TNIK: variants seen among roughly 807,000 people sequenced by gnomAD.
TNIK encodes TRAF2 and NCK interacting kinase, also known as TRAF2 and NCK-interacting protein kinase.
In TNIK, 49 loss-of-function variants were observed where a neutral mutation model predicts 191.3. That is an observed-to-expected ratio of 0.26 (90% CI 0.20 to 0.32). TNIK has a LOEUF of 0.32. Among genes scored for constraint, TNIK ranks in the 10% least tolerant of loss-of-function variants. The pLI, the probability that TNIK is intolerant of heterozygous loss-of-function variation, is 1.00. For missense variants in TNIK, 1,155 were observed against 1,702.3 expected (o/e 0.68, Z 5.66); for synonymous variants, 594 against 600.9 (o/e 0.99, Z 0.17).
chr3:171,316,624 C>G (rs1754624379), intron 2 of TNIK, among the ~76,000 whole-genome samples: 1 of 152,032 alleles, frequency 6.6e-6, no homozygotes, highest in South Asian at 2.1e-4. Flanking sequence ...AGAAAGGCAG[C>G]TCACAGAGGC....
chr3:171,401,019 C>T (rs1720885092), intron 1 of TNIK, among the ~76,000 whole-genome samples: 1 of 152,034 alleles, frequency 6.6e-6, no homozygotes, highest in African/African-American at 2.4e-5. Flanking sequence ...GAGACAAACA[C>T]ATATCTAGTT....
At position 171,228,194 on chromosome 3, in the gene TNIK, C is replaced by A. The variant is rs1382757168; in HGVS notation, c.151G>T (p.Ala51Ser). The change falls in exon 3 of 33, where the codon GCA becomes TCA. Residue 51 changes from alanine (A) to serine (S), a missense_variant. Physicochemically the swap from Ala to Ser is moderately conservative, Grantham distance 99. Transcript: ENST00000436636. ...GTGACATCCATAACCTTGATGGCTGCAAGCTGGCCCGTTTTGACATGACGA... is the reference window on the plus strand; with the variant it reads ...GTGACATCCATAACCTTGATGGCTGAAAGCTGGCCCGTTTTGACATGACGA... ...KGRHVKTGQL[A>S]AIKVMDVTGD... The A allele has an allele frequency of 6.2e-7, 1 of 1,613,568 alleles. No homozygotes were observed. The highest frequency in any genetic ancestry group is 1.1e-5 in the South Asian group (1 of 91,066).
At chr3:171,108,559 C>A (rs902992531) in intron 19 of TNIK, among the ~76,000 whole-genome samples, 1 of 152,170 alleles carries the variant, frequency 6.6e-6, no homozygotes, top group African/African-American at 2.4e-5. Context: ...CCGGAGGTCA[C>A]ACTGAAATTA....
intron 31 of TNIK, 109 bp downstream of exon 31, chr3:171,066,467 A>AT (rs145832204): frequency 0.12 from 151,931 of 1,282,686 alleles, 109 homozygotes; most frequent in Non-Finnish European, 0.13. Flanking sequence ...TTATTCACAG[A>AT]TTTTTTTTTT....
intron 2 of TNIK, among the ~76,000 whole-genome samples, chr3:171,288,002 G>T (rs1166500986): frequency 6.6e-6 from 1 of 150,736 alleles, no homozygotes; most frequent in African/African-American, 2.5e-5. Context: ...AAAATGATGA[G>T]TTCATGTCCT....
chr3:171,408,903 C>G (rs1722049816), intron 1 of TNIK, among the ~76,000 whole-genome samples: 1 of 152,250 alleles, frequency 6.6e-6, no homozygotes, highest in South Asian at 2.1e-4. Flanking sequence ...CCAATCGGTA[C>G]ACCTCACTCG....
intron 2 of TNIK, among the ~76,000 whole-genome samples, chr3:171,355,716 G>A (rs1248435715): frequency 6.6e-6 from 1 of 152,166 alleles, no homozygotes; most frequent in African/African-American, 2.4e-5. Flanking sequence ...AAGGAAAAAA[G>A]TGAATAATGT....
At chr3:171,348,433 G>A (rs1712610104) in intron 2 of TNIK, among the ~76,000 whole-genome samples, 1 of 152,054 alleles carries the variant, frequency 6.6e-6, no homozygotes, top group Non-Finnish European at 1.5e-5. Flanking sequence ...GAAGCCTTTA[G>A]ATCTCTTGAA....
At chr3:171,083,896 C>T (rs1409283089) in intron 26 of TNIK, among the ~76,000 whole-genome samples, 1 of 152,110 alleles carries the variant, frequency 6.6e-6, no homozygotes, top group African/African-American at 2.4e-5. Context: ...CTCTTGTTGG[C>T]TTTAGCCTAT....
intron 2 of TNIK, among the ~76,000 whole-genome samples, chr3:171,250,055 A>G (rs1039060661): frequency 3.3e-5 from 5 of 152,250 alleles, no homozygotes; most frequent in Non-Finnish European, 5.9e-5. Context: ...CCAAGCTCTT[A>G]GCGATGCCTG....
intron 2 of TNIK, among the ~76,000 whole-genome samples, chr3:171,228,750 C>G (rs1256239277): frequency 6.6e-6 from 1 of 152,194 alleles, no homozygotes; most frequent in Non-Finnish European, 1.5e-5. Flanking sequence ...ATCAAGGAGA[C>G]AGTGTTGAAC....
intron 29 of TNIK, 31 bp downstream of exon 29, chr3:171,071,192 G>T (rs1719133943): frequency 2.0e-6 from 3 of 1,535,220 alleles, no homozygotes; most frequent in Admixed American, 4.4e-5. Context: ...TTTTTAAAAA[G>T]CACATTTTAG....
chr3:171,185,725 T>C (rs1369776964), intron 7 of TNIK, among the ~76,000 whole-genome samples: 1 of 152,178 alleles, frequency 6.6e-6, no homozygotes, highest in Non-Finnish European at 1.5e-5. Context: ...TTACTTTAGG[T>C]TTTGTAAAAA....
rs1398725947 is a variant in TNIK, at chr3:171,123,686, G to A, written c.2030C>T (p.Thr677Ile). ...TCTGGCTAATGCTGGGGATATAGAAGTTGTTCTTTGAGGCACCTGGAAGAA... is the reference window on the plus strand; with the variant it reads ...TCTGGCTAATGCTGGGGATATAGAAATTGTTCTTTGAGGCACCTGGAAGAA... The part of the protein sequence containing the change: ...DIPPKVPQRT[T>I]SISPALARKN... Residue 677 changes from threonine (T) to isoleucine (I), a missense_variant, in exon 18 of 33, where the codon ACT becomes ATT. This residue lies in a region of TNIK where 735 missense variants were observed against 848.0 expected (regional missense o/e 0.87). Transcript: ENST00000436636. The A allele has an allele frequency of 1.3e-6, 2 of 1,570,334 alleles. No individual in the cohort carries two copies. The highest frequency in any genetic ancestry group is 2.4e-5 in the South Asian group (2 of 85,086).
intron 22 of TNIK, among the ~76,000 whole-genome samples, chr3:171,097,158 C>G (rs1414853926): frequency 6.6e-6 from 1 of 152,020 alleles, no homozygotes; most frequent in Non-Finnish European, 1.5e-5. Flanking sequence ...CAGAAGCTCC[C>G]AGGAAAGAAT....
rs560800686 is a variant in TNIK at position 171,198,194 on chromosome 3, C to T, written c.307-3559G>A. On this transcript the variant is annotated intron_variant, in intron 4 of 32. Transcript: ENST00000436636. ...AGGAGAATGGCTTGAACCCAGGAGG[C>T]GGAGCTTGCAGTGAGCCGAGATTGC... 2.6e-5 allele frequency among the ~76,000 whole-genome samples: 4 copies of T among 151,038 alleles called. No homozygotes were observed. The South Asian group carries it at 8.4e-4, about 32-fold the overall frequency.
chr3:171,108,610 CA>C (rs1173569514), intron 19 of TNIK, among the ~76,000 whole-genome samples: 2 of 152,214 alleles, frequency 1.3e-5, no homozygotes, highest in African/African-American at 4.8e-5. Context: ...GTCCTATTCT[CA>C]GTCACTATGC....
At chr3:171,314,701 C>G (rs1241230993) in intron 2 of TNIK, among the ~76,000 whole-genome samples, 1 of 151,804 alleles carries the variant, frequency 6.6e-6, no homozygotes, top group African/African-American at 2.4e-5. Flanking sequence ...AGGGAAAACC[C>G]ACACAAACAA....
rs187233850 is a variant in TNIK at position 171,302,107 on chromosome 3, G to T, written c.123+67513C>A. Among the ~76,000 whole-genome samples the T allele has an allele frequency of 1.2e-4, 19 of 152,236 alleles. No homozygotes were observed. The East Asian group carries it at 1.9e-3, about 15-fold the overall frequency. On this transcript the variant is annotated intron_variant, in intron 2 of 32. Transcript: ENST00000436636. Reference sequence around the variant, plus strand: ...TTTGAAATGTTCTATTTTAAAAGGGGTGGAGGGGAGTGGGGGTGAAAAACA... The same window carrying T: ...TTTGAAATGTTCTATTTTAAAAGGGTTGGAGGGGAGTGGGGGTGAAAAACA...
Sources: gnomAD v4.1 joint callset for allele counts (sites outside exome capture counted in the v4.1 genomes callset) on GRCh38, gnomAD v4.1.1 for gene constraint, gnomAD v4.1.1 regional missense constraint, MANE v1.5 for transcripts, NCBI Gene and HGNC (gene_info 2026-07-23, HGNC 2026-07-21) for gene names.